Variants in PTPRN2 observed in about 807,000 individuals in gnomAD.
PTPRN2 encodes protein tyrosine phosphatase receptor type N2, also known as receptor-type tyrosine-protein phosphatase N2.
PTPRN2 carries 74 observed loss-of-function variants against 118.8 expected under a neutral mutation model. The ratio of observed to expected loss-of-function variants is 0.62; its 90% confidence interval spans 0.52 to 0.76. PTPRN2 has a LOEUF of 0.76. PTPRN2 is among the 30% of genes least tolerant of loss of function. The pLI is 0.00. For synonymous variants in PTPRN2, 641 were observed against 608.0 expected, an observed-to-expected ratio of 1.05 and a Z score of -0.80; for missense variants, 1,481 against 1,394.4, an observed-to-expected ratio of 1.06 and a Z score of -0.99.
Position 157,785,592 on chromosome 7 carries a change from G to A in PTPRN2, c.1789-102655C>T, listed in dbSNP as rs892086864. On this transcript the variant is annotated intron_variant, in intron 12 of 22. Transcript: ENST00000389418. The surrounding 1 kb of genome is among the most constrained non-coding windows in gnomAD (Gnocchi z 7.3). ...TGAACAGTCTACACTGGACAGACAT[G>A]GAGGGAAGCTTCTCCCAGGACCAGG... Among the ~76,000 whole-genome samples the A allele has an allele frequency of 1.3e-5, 2 of 152,046 alleles. No individual in the cohort carries two copies. Among genetic ancestry groups the A allele is most frequent in the Admixed American group, 6.5e-5 (1 of 15,274 alleles).
chr7:158,440,204 G>A (rs1763352388), intron 2 of PTPRN2, among the ~76,000 whole-genome samples: 2 of 152,152 alleles, frequency 1.3e-5, no homozygotes, highest in South Asian at 2.1e-4. Context: ...AGGCAAAGTC[G>A]CCACCTCGAA....
chr7:158,092,076 G>A (rs1038125059), intron 10 of PTPRN2, among the ~76,000 whole-genome samples: 2 of 150,416 alleles, frequency 1.3e-5, no homozygotes, highest in African/African-American at 4.9e-5. Flanking sequence ...AGAGATGGTT[G>A]GGTGGGTGGA....
intron 12 of PTPRN2, among the ~76,000 whole-genome samples, chr7:157,730,798 C>T (rs1799852201): frequency 6.6e-6 from 1 of 152,186 alleles, no homozygotes; most frequent in African/African-American, 2.4e-5. Context: ...TGCTCCCCGC[C>T]TGGGCACATG....
At chr7:157,989,603 G>A (rs1181030002) in intron 11 of PTPRN2, among the ~76,000 whole-genome samples, 3 of 151,916 alleles carry the variant, frequency 2.0e-5, no homozygotes, top group Non-Finnish European at 2.9e-5. Context: ...GCGTCTAAGG[G>A]GTGGAGGGAT....
rs775175942 is a variant in PTPRN2, at chr7:157,629,573, C to T, written c.2197-8064G>A. On this transcript the variant is annotated intron_variant, in intron 14 of 22. Coordinates refer to ENST00000389418, the MANE Select transcript of PTPRN2 (RefSeq NM_002847.5). The surrounding 1 kb of genome is among the most constrained non-coding windows in gnomAD (Gnocchi z 4.4). ...CACTCGTGCAGTGGAAAGTGAGTCCCCACGGATGACTGGAGGCGCCCATCA... is the reference window on the plus strand; with the variant it reads ...CACTCGTGCAGTGGAAAGTGAGTCCTCACGGATGACTGGAGGCGCCCATCA... 1.7e-4 allele frequency among the ~76,000 whole-genome samples: 26 copies of T among 151,788 alleles called. 1 individual carries two copies. Among genetic ancestry groups the T allele is most frequent in the Admixed American group, 9.9e-4 (15 of 15,158 alleles).
At chr7:158,486,181 C>G (rs1170634359) in intron 2 of PTPRN2, among the ~76,000 whole-genome samples, 1 of 152,246 alleles carries the variant, frequency 6.6e-6, no homozygotes, top group African/African-American at 2.4e-5. Flanking sequence ...GGGTCACGGG[C>G]CACCTCCCTT....
intron 6 of PTPRN2, among the ~76,000 whole-genome samples, chr7:158,144,237 A>G (rs1230345530): frequency 6.6e-6 from 1 of 152,212 alleles, no homozygotes; most frequent in Admixed American, 6.5e-5. Flanking sequence ...ATCCACAAAT[A>G]AACTTTTCTG....
chr7:157,692,876 T>A (rs1797580137), intron 12 of PTPRN2, among the ~76,000 whole-genome samples: 1 of 151,712 alleles, frequency 6.6e-6, no homozygotes, highest in Non-Finnish European at 1.5e-5. Context: ...GGCGGGCAGG[T>A]CAGAGAGAAG....
chr7:158,400,699 C>G (rs184830399), intron 2 of PTPRN2, among the ~76,000 whole-genome samples: 2 of 152,286 alleles, frequency 1.3e-5, no homozygotes, highest in Non-Finnish European at 2.9e-5. Context: ...AGCCTCAGCA[C>G]AGGACACCGT....
At chr7:157,765,758 A>C in intron 12 of PTPRN2, among the ~76,000 whole-genome samples, 1 of 131,488 alleles carries the variant, frequency 7.6e-6, no homozygotes, top group Non-Finnish European at 1.6e-5. Context: ...TCCTTCTTTC[A>C]TCCACCCAAA....
chr7:157,579,550 T>C (rs532663278), intron 17 of PTPRN2, among the ~76,000 whole-genome samples: 1 of 152,266 alleles, frequency 6.6e-6, no homozygotes, highest in East Asian at 1.9e-4. Flanking sequence ...ATCTAGACCA[T>C]AAACTAATCA....
chr7:158,045,275 CCT>C lies in PTPRN2; in HGVS notation c.1723+36021_1723+36022del, dbSNP rs1365523937. ...ACAAATCCGTGAGGCTGAGCTAGCC[CCT>C]CTGTCGGGAAGCTCCAAATGGCTGG... On this transcript the variant is annotated intron_variant, in intron 11 of 22. Coordinates refer to ENST00000389418, the MANE Select transcript of PTPRN2 (RefSeq NM_002847.5). 7.2e-5 allele frequency among the ~76,000 whole-genome samples: 11 copies of C among 152,272 alleles called. No homozygotes were observed. The East Asian group carries it at 2.1e-3, about 29-fold the overall frequency.
intron 5 of PTPRN2, among the ~76,000 whole-genome samples, chr7:158,184,404 G>A (rs1007425074): frequency 6.6e-6 from 1 of 152,102 alleles, no homozygotes; most frequent in African/African-American, 2.4e-5. Flanking sequence ...ATTGTTGCTA[G>A]TATACAGAAA....
intron 12 of PTPRN2, among the ~76,000 whole-genome samples, chr7:157,876,186 G>A (rs568027248): frequency 9.2e-5 from 14 of 152,246 alleles, no homozygotes; most frequent in Admixed American, 3.3e-4. Flanking sequence ...TGGACTGGGT[G>A]CCCGAGTGGG....
rs61117185 is a variant in PTPRN2 at position 157,725,261 on chromosome 7, A to G, written c.1789-42324T>C. Among the ~76,000 whole-genome samples the G allele has an allele frequency of 2.5e-3, 321 of 126,540 alleles. 14 individuals carry two copies. The highest frequency in any genetic ancestry group is 8.8e-3 in the African/African-American group (239 of 27,258). The allele number at this position is 126,540 out of a possible 152,430, so 83.0% of individuals were successfully genotyped here. ...CTGGATATCCACATGCAGAGGAGTG[A>G]GCCAGACCCTGGCCTCCCAGGAGAA... On this transcript the variant is annotated intron_variant, in intron 12 of 22. Coordinates refer to ENST00000389418, the MANE Select transcript of PTPRN2 (RefSeq NM_002847.5).
Position 157,676,170 on chromosome 7 carries a change from A to T in PTPRN2, c.2001+6555T>A, listed in dbSNP as rs912181381. Among the ~76,000 whole-genome samples the T allele has an allele frequency of 1.3e-5, 2 of 152,044 alleles. No individual in the cohort carries two copies. The highest frequency in any genetic ancestry group is 2.4e-5 in the African/African-American group (1 of 41,386). ...TCCACGACACCCCAGCTCCCTGTCT[A>T]AACTCTTGGCCTGACTGGGAGGACC... On this transcript the variant is annotated intron_variant, in intron 13 of 22. Coordinates refer to ENST00000389418, the MANE Select transcript of PTPRN2 (RefSeq NM_002847.5). This position sits in a 1 kb window ranked among gnomAD's most constrained non-coding sequence, Gnocchi z 5.6.
chr7:158,145,616 G>A (rs1181994960), intron 6 of PTPRN2, among the ~76,000 whole-genome samples: 3 of 152,222 alleles, frequency 2.0e-5, no homozygotes, highest in Admixed American at 1.3e-4. Context: ...GCCAGACGCG[G>A]CCAGGCTTGG....
intron 12 of PTPRN2, among the ~76,000 whole-genome samples, chr7:157,766,762 A>G (rs1802511598): frequency 1.3e-5 from 2 of 152,356 alleles, no homozygotes; most frequent in South Asian, 2.1e-4. Flanking sequence ...CAGGACATTG[A>G]AATCTCAGAG....
intron 12 of PTPRN2, among the ~76,000 whole-genome samples, chr7:157,772,129 A>C (rs1802879397): frequency 6.7e-6 from 1 of 148,212 alleles, no homozygotes; most frequent in African/African-American, 2.6e-5. Context: ...ATACACATAC[A>C]CAGACAGACA....
Sources: gnomAD v4.1 joint callset for allele counts (sites outside exome capture counted in the v4.1 genomes callset) on GRCh38, gnomAD v4.1.1 for gene constraint, Gnocchi (gnomAD v3.1) non-coding constraint, MANE v1.5 for transcripts, NCBI Gene and HGNC (gene_info 2026-07-23, HGNC 2026-07-21) for gene names.